SGCZ: variants seen among roughly 807,000 people sequenced by gnomAD.
SGCZ encodes zeta-sarcoglycan.
A neutral mutation model predicts 41.3 loss-of-function variants in SGCZ; 40 were observed. The observed-to-expected ratio is 0.97, with a 90% confidence interval of 0.75 to 1.26. SGCZ has a LOEUF of 1.26. Among genes scored for constraint, SGCZ ranks in the 50% most tolerant of loss-of-function variants. The probability of loss-of-function intolerance (pLI) is 0.00; values close to 1 mark genes in which losing one functional copy is unlikely to be tolerated. For synonymous variants in SGCZ, 206 were observed against 137.5 expected (o/e 1.50, Z -3.49); for missense variants, 552 against 369.8 (o/e 1.49, Z -4.04).
intron 1 of SGCZ, among the ~76,000 whole-genome samples, chr8:14,835,177 T>C (rs1401207812): frequency 6.6e-6 from 1 of 152,204 alleles, no homozygotes; most frequent in East Asian, 1.9e-4. Context: ...TTTCTTTGAA[T>C]GGGTTACAGG....
At chr8:14,868,060 T>A (rs1022604230) in intron 1 of SGCZ, among the ~76,000 whole-genome samples, 18 of 152,200 alleles carry the variant, frequency 1.2e-4, no homozygotes, top group African/African-American at 4.1e-4. Flanking sequence ...ACTTAGCTAA[T>A]TTGAGCTTCA....
intron 3 of SGCZ, among the ~76,000 whole-genome samples, chr8:14,301,140 C>T (rs1288599802): frequency 1.3e-5 from 2 of 151,904 alleles, no homozygotes; most frequent in East Asian, 1.9e-4. Flanking sequence ...TTATTAGATG[C>T]CTCATATGTG....
intron 1 of SGCZ, among the ~76,000 whole-genome samples, chr8:15,184,751 A>C (rs1800285225): frequency 6.6e-6 from 1 of 152,190 alleles, no homozygotes; most frequent in Admixed American, 6.5e-5. Context: ...TAATTATTAA[A>C]GTGTCAGGCT....
chr8:14,128,643 C>G (rs959271382), intron 5 of SGCZ, among the ~76,000 whole-genome samples: 1 of 152,060 alleles, frequency 6.6e-6, no homozygotes, highest in African/African-American at 2.4e-5. Flanking sequence ...ATCATGGAAT[C>G]AACCTAAGTG....
intron 1 of SGCZ, among the ~76,000 whole-genome samples, chr8:14,778,649 A>G (rs1287108999): frequency 1.3e-5 from 2 of 152,240 alleles, no homozygotes; most frequent in Non-Finnish European, 2.9e-5. Context: ...ACAATCTAAT[A>G]GAAAACTGGG....
chr8:14,952,612 A>G (rs2130838292), intron 1 of SGCZ, among the ~76,000 whole-genome samples: 1 of 152,316 alleles, frequency 6.6e-6, no homozygotes, highest in South Asian at 2.1e-4. Flanking sequence ...GATGCTTGTT[A>G]GTAGAACTAT....
chr8:15,164,838 TAA>T (rs1799610754), intron 1 of SGCZ, among the ~76,000 whole-genome samples: 1 of 152,148 alleles, frequency 6.6e-6, no homozygotes, highest in East Asian at 1.9e-4. Flanking sequence ...GGTATGGCTG[TAA>T]CCCCTTGGCA....
chr8:14,559,080 T>A (rs999373742), intron 1 of SGCZ, among the ~76,000 whole-genome samples: 2 of 152,072 alleles, frequency 1.3e-5, no homozygotes, highest in South Asian at 2.1e-4. Context: ...AAGATAAGGA[T>A]GTCCCCTCTC....
intron 1 of SGCZ, among the ~76,000 whole-genome samples, chr8:14,737,642 C>G (rs770965360): frequency 6.6e-6 from 1 of 152,088 alleles, no homozygotes; most frequent in Non-Finnish European, 1.5e-5. Context: ...TGAGGCCTCT[C>G]TCCTTGGCTT....
At chr8:14,222,295 G>A (rs572418718) in intron 4 of SGCZ, among the ~76,000 whole-genome samples, 3 of 151,396 alleles carry the variant, frequency 2.0e-5, no homozygotes, top group Non-Finnish European at 1.5e-5. Context: ...TCAGCCTCCC[G>A]AGTAGCTGGG....
At chr8:15,211,556 G>A (rs1341584144) in intron 1 of SGCZ, among the ~76,000 whole-genome samples, 1 of 152,030 alleles carries the variant, frequency 6.6e-6, no homozygotes. Flanking sequence ...AACCCCTTCT[G>A]TGTCTTGCCA....
chr8:15,160,271 G>A (rs1799470831), intron 1 of SGCZ, among the ~76,000 whole-genome samples: 2 of 152,074 alleles, frequency 1.3e-5, no homozygotes, highest in Admixed American at 1.3e-4. Context: ...CCTCAAGATT[G>A]GTCCATATTG....
At chr8:15,161,505 C>T (rs1207070049) in intron 1 of SGCZ, among the ~76,000 whole-genome samples, 1 of 152,140 alleles carries the variant, frequency 6.6e-6, no homozygotes, top group Non-Finnish European at 1.5e-5. Flanking sequence ...TTGCCTACTT[C>T]TGTATCCTCA....
intron 3 of SGCZ, among the ~76,000 whole-genome samples, chr8:14,248,335 T>G (rs1799176466): frequency 6.6e-6 from 1 of 152,198 alleles, no homozygotes; most frequent in African/African-American, 2.4e-5. Flanking sequence ...ATTTATTAAC[T>G]ACCTATCATG....
intron 1 of SGCZ, among the ~76,000 whole-genome samples, chr8:14,937,698 A>C (rs1339264602): frequency 1.3e-5 from 2 of 152,118 alleles, no homozygotes; most frequent in Non-Finnish European, 2.9e-5. Context: ...GAGCTCTTAA[A>C]TTACAATTTT....
intron 1 of SGCZ, among the ~76,000 whole-genome samples, chr8:14,591,705 A>G (rs1805245710): frequency 1.3e-5 from 2 of 152,268 alleles, no homozygotes; most frequent in African/African-American, 2.4e-5. Flanking sequence ...CTCAAAATAT[A>G]AAGCTTCCTG....
At chr8:14,407,439 G>A (rs1038413091) in intron 2 of SGCZ, among the ~76,000 whole-genome samples, 1 of 152,116 alleles carries the variant, frequency 6.6e-6, no homozygotes, top group Admixed American at 6.5e-5. Context: ...CCACCTATGT[G>A]TTGGGTGGTG....
chr8:14,997,655 T>A (rs977455013), intron 1 of SGCZ, among the ~76,000 whole-genome samples: 1 of 152,148 alleles, frequency 6.6e-6, no homozygotes, highest in Non-Finnish European at 1.5e-5. Flanking sequence ...ATACTTAAGA[T>A]TCAGACAATT....
intron 1 of SGCZ, among the ~76,000 whole-genome samples, chr8:14,781,307 C>T (rs115126288): frequency 6.6e-6 from 1 of 152,166 alleles, no homozygotes; most frequent in Non-Finnish European, 1.5e-5. Flanking sequence ...TCTTGGCTCA[C>T]TGAAACGTCA....
Sources: allele counts gnomAD v4.1 joint callset (sites outside exome capture counted in the v4.1 genomes callset), GRCh38; gene constraint gnomAD v4.1.1; transcripts MANE v1.5; gene names NCBI Gene and HGNC (gene_info 2026-07-23, HGNC 2026-07-21).